Variants in TTLL4 observed in about 807,000 individuals in gnomAD.
TTLL4 encodes tubulin monoglutamylase TTLL4.
In TTLL4, 85 loss-of-function variants were observed where a neutral mutation model predicts 122.7. That is an observed-to-expected ratio of 0.69 (90% CI 0.58 to 0.83). TTLL4 has a LOEUF of 0.83. Among genes scored for constraint, TTLL4 ranks in the 40% least tolerant of loss-of-function variants. TTLL4 has a pLI of 0.00. For synonymous variants in TTLL4, 553 were observed against 563.0 expected, an observed-to-expected ratio of 0.98 and a Z score of 0.25; for missense variants, 1,363 against 1,488.6, an observed-to-expected ratio of 0.92 and a Z score of 1.39.
At position 218,738,216 on chromosome 2, in the gene TTLL4, A is replaced by G. The variant is rs1258246734; in HGVS notation, c.540A>G (p.Glu180=). The change falls in exon 3 of 20, where the codon GAA becomes GAG. Residue 180 remains glutamate (E), a synonymous_variant. Coordinates refer to ENST00000392102, the MANE Select transcript of TTLL4 (RefSeq NM_014640.5). ...MAQPMASSST[E]PYLCLAAAGE... ...AGCCCATGGCCTCCTCATCCACAGA[A>G]CCATACCTCTGCTTGGCAGCGGCTG... 1.2e-6 allele frequency: 2 copies of G among 1,613,848 alleles called. No homozygotes were observed. The highest frequency in any genetic ancestry group is 1.3e-5 in the African/African-American group (1 of 74,920).
At position 218,737,812 on chromosome 2, in the gene TTLL4, C is replaced by T; in HGVS notation, c.136C>T (p.His46Tyr). The T allele has an allele frequency of 6.2e-7, 1 of 1,614,234 alleles. No homozygotes were observed. Among genetic ancestry groups the T allele is most frequent in the Non-Finnish European group, 8.5e-7 (1 of 1,180,052 alleles). Reference sequence around the variant, plus strand: ...GGAGGGCAGAGTCTGGCCTCAGGCCCATCAGCAAGTGAAGCCAATCTGGAA... The same window carrying T: ...GGAGGGCAGAGTCTGGCCTCAGGCCTATCAGCAAGTGAAGCCAATCTGGAA... ...PSEGRVWPQA[H>Y]QQVKPIWKLE... Residue 46 changes from histidine to tyrosine, a missense_variant, in exon 3 of 20, where the codon CAT (histidine) becomes TAT (tyrosine). This residue lies in a region of TTLL4 where 760 missense variants were observed against 808.4 expected (regional missense o/e 0.94). Coordinates refer to ENST00000392102, the MANE Select transcript of TTLL4 (RefSeq NM_014640.5).
chr2:218,757,001 ACTT>A (rs1312166504), downstream of TTLL4, among the ~76,000 whole-genome samples: 2 of 152,212 alleles, frequency 1.3e-5, no homozygotes, highest in African/African-American at 4.8e-5. Context: ...CAGTTCTGCC[ACTT>A]ACTGTGTGAC....
At chr2:218,721,740 C>T (rs560819984) in intron 1 of TTLL4, among the ~76,000 whole-genome samples, 2 of 152,190 alleles carry the variant, frequency 1.3e-5, no homozygotes, top group Non-Finnish European at 2.9e-5. Flanking sequence ...GGGCTGGATA[C>T]ATAAGCTCTG....
At position 218,754,196 on chromosome 2, in the gene TTLL4, A is replaced by G. The variant is rs1453494864; in HGVS notation, c.3407A>G (p.Lys1136Arg). 8 of 1,614,174 alleles carry G rather than the reference A, an allele frequency of 5.0e-6. No individual in the cohort carries two copies. The highest frequency in any genetic ancestry group is 2.2e-5 in the East Asian group (1 of 44,878). ...LSEDGTTPKS[K>R]KTQAGLSPYP... ...GAAGACGGGACCACGCCCAAATCCA[A>G]GAAGACTCAAGCTGGCCTTTCCCCT... Residue 1136 changes from lysine (K) to arginine (R), a missense_variant, in exon 20 of 20, where the codon AAG becomes AGG. Physicochemically the swap from Lys to Arg is conservative, Grantham distance 26. Coordinates refer to ENST00000392102, the MANE Select transcript of TTLL4 (RefSeq NM_014640.5).
chr2:218,746,886 A>G, intron 8 of TTLL4, 117 bp from the exon 9 acceptor site: 1 of 1,152,322 alleles, frequency 8.7e-7, no homozygotes, highest in Non-Finnish European at 1.2e-6. Flanking sequence ...TGATAGTAAG[A>G]TGGAACAAAA....
chr2:218,758,918 T>A (rs904365027), downstream of TTLL4, among the ~76,000 whole-genome samples: 4 of 152,212 alleles, frequency 2.6e-5, no homozygotes, highest in African/African-American at 9.6e-5. Context: ...AATTGTGATA[T>A]CTCTGTTCAG....
chr2:218,750,998 G>T (rs1162715734), intron 15 of TTLL4, among the ~76,000 whole-genome samples: 1 of 152,146 alleles, frequency 6.6e-6, no homozygotes, highest in Admixed American at 6.6e-5. Context: ...AACCCTGTAA[G>T]GTTAGTATTT....
intron 2 of TTLL4, among the ~76,000 whole-genome samples, chr2:218,733,102 AAG>A: frequency 6.6e-6 from 1 of 152,252 alleles, no homozygotes; most frequent in Non-Finnish European, 1.5e-5. Flanking sequence ...ATTTCCCAGA[AAG>A]AGAGTTACAG....
At chr2:218,757,476 A>G (rs974570659), downstream of TTLL4, among the ~76,000 whole-genome samples, 1 of 152,252 alleles carries the variant, frequency 6.6e-6, no homozygotes, top group Non-Finnish European at 1.5e-5. Context: ...AATTATTTCA[A>G]GAGAAGCTTT....
intron 2 of TTLL4, chr2:218,727,934 A>T (rs1355492018): frequency 3.9e-5 from 6 of 152,116 alleles, no homozygotes; most frequent in African/African-American, 1.2e-4. Context: ...TATTTATTCC[A>T]GTCTTCTCTG....
At position 218,724,617 on chromosome 2, in the gene TTLL4, T is replaced by C. The variant is rs369126131; in HGVS notation, c.-177-2652T>C. 3.3e-5 allele frequency among the ~76,000 whole-genome samples: 5 copies of C among 152,352 alleles called. No individual in the cohort carries two copies. In the East Asian group the frequency reaches 9.6e-4, roughly 29 times the overall value. ...AAATGATGGGAGTTCATTCTTTGTT[T>C]ATGGCTCCATAATATTCCATTGTGT... On this transcript the variant is annotated intron_variant, in intron 1 of 19. Coordinates refer to ENST00000392102, the MANE Select transcript of TTLL4 (RefSeq NM_014640.5).
chr2:218,735,418 A>G (rs901543364), intron 2 of TTLL4, among the ~76,000 whole-genome samples: 1 of 151,980 alleles, frequency 6.6e-6, no homozygotes, highest in African/African-American at 2.4e-5. Flanking sequence ...AAAAAAATTT[A>G]AAAAAATCAA....
rs766420837 is a variant in TTLL4 at position 218,750,144 on chromosome 2, C to T, written c.2871C>T (p.Thr957=). 2 of 1,613,544 alleles carry T rather than the reference C, an allele frequency of 1.2e-6. No individual in the cohort carries two copies. The highest frequency in any genetic ancestry group is 1.7e-6 in the Non-Finnish European group (2 of 1,179,758). The change falls in exon 15 of 20, where the codon ACC becomes ACT. Residue 957 remains threonine, a splice_region_variant and synonymous_variant. Coordinates refer to ENST00000392102, the MANE Select transcript of TTLL4 (RefSeq NM_014640.5). The stretch of plus-strand genomic sequence containing the variant: ...CCAGCAGCTGCAGCAGCTCCACCAC[C>T]AGGTGAGGCCCCTATTTCTTCACAG... ...SSPSSCSSST[T]SLPTSPGDKC... is the part of the protein sequence containing the mutation.
chr2:218,758,333 G>C (rs893245112), downstream of TTLL4, among the ~76,000 whole-genome samples: 1 of 152,136 alleles, frequency 6.6e-6, no homozygotes, highest in African/African-American at 2.4e-5. Context: ...GGACACCAAA[G>C]CCTACTCAGA....
chr2:218,726,883 C>A (rs1173016543), intron 1 of TTLL4, among the ~76,000 whole-genome samples: 2 of 152,068 alleles, frequency 1.3e-5, no homozygotes, highest in Non-Finnish European at 2.9e-5. Context: ...CAGCTCACTG[C>A]AACCTTTGCC....
downstream of TTLL4, among the ~76,000 whole-genome samples, chr2:218,757,005 ACTGT>A (rs1327005073): frequency 1.3e-5 from 2 of 152,168 alleles, no homozygotes; most frequent in African/African-American, 4.8e-5. Flanking sequence ...TCTGCCACTT[ACTGT>A]GTGACCTTGG....
At chr2:218,720,971 A>T (rs574187234) in intron 1 of TTLL4, among the ~76,000 whole-genome samples, 3 of 152,266 alleles carry the variant, frequency 2.0e-5, no homozygotes, top group African/African-American at 7.2e-5. Context: ...CTATTAATGA[A>T]ACCTGCATAA....
rs989878685 is a variant in TTLL4, at chr2:218,749,245, A to C, written c.2601-8A>C. ...CTGAACTGAGTACTTCCTCATCCCC[A>C]TGACCAGGTCAGAGCCCTATGTGAC... On this transcript the variant is annotated splice_region_variant and splice_polypyrimidine_tract_variant and intron_variant, in intron 13 of 19. Coordinates refer to ENST00000392102, the MANE Select transcript of TTLL4 (RefSeq NM_014640.5). 2 of 1,614,028 alleles carry C rather than the reference A, an allele frequency of 1.2e-6. No homozygotes were observed. The highest frequency in any genetic ancestry group is 1.7e-5 in the Admixed American group (1 of 59,990).
rs553436520 is a variant in TTLL4, at chr2:218,744,744, C to A, written c.1662-365C>A. Among the ~76,000 whole-genome samples the A allele has an allele frequency of 3.9e-5, 6 of 152,048 alleles. No homozygotes were observed. The South Asian group carries it at 8.3e-4, about 21-fold the overall frequency. On this transcript the variant is annotated intron_variant, in intron 5 of 19. Coordinates refer to ENST00000392102, the MANE Select transcript of TTLL4 (RefSeq NM_014640.5). ...CATCATTCTTTTCTCTCATTTATTTCTTTGTCTTAGCATAGCACGTTCTGC... is the reference window on the plus strand; with the variant it reads ...CATCATTCTTTTCTCTCATTTATTTATTTGTCTTAGCATAGCACGTTCTGC...
Sources: allele counts gnomAD v4.1 joint callset (sites outside exome capture counted in the v4.1 genomes callset), GRCh38; gene constraint gnomAD v4.1.1; regional missense constraint gnomAD v4.1.1; transcripts MANE v1.5; gene names NCBI Gene and HGNC (gene_info 2026-07-23, HGNC 2026-07-21).